The following HSPBAP1 variants were observed in gnomAD, a reference collection of about 807,000 sequenced individuals.
HSPBAP1 encodes the protein HSPB1 associated protein 1, also known as HSPB1-associated protein 1.
Under a neutral mutation model 45.2 loss-of-function variants are expected in HSPBAP1, and 27 were observed. The observed-to-expected ratio is 0.60, with a 90% CI of 0.44 to 0.82. The LOEUF is 0.82. Among genes scored for constraint, HSPBAP1 ranks in the 40% least tolerant of loss-of-function variants. HSPBAP1 has a pLI of 0.00. For synonymous variants in HSPBAP1, 204 were observed against 202.7 expected, an observed-to-expected ratio of 1.01 and a Z score of -0.06; for missense variants, 510 against 590.9, an observed-to-expected ratio of 0.86 and a Z score of 1.42.
At chr3:122,780,152 CCCTCCT>C (rs1935367075) in intron 1 of HSPBAP1, among the ~76,000 whole-genome samples, 1 of 112,546 alleles carries the variant, frequency 8.9e-6, no homozygotes, top group African/African-American at 3.1e-5. Context: ...CCCCCCACCT[CCCTCCT>C]GGACGGGGCG....
intron 6 of HSPBAP1, among the ~76,000 whole-genome samples, chr3:122,743,554 G>A (rs999171716): frequency 3.3e-5 from 5 of 150,638 alleles, no homozygotes; most frequent in Non-Finnish European, 7.4e-5. Flanking sequence ...CAACAAGAGC[G>A]AAACTTTGTC....
chr3:122,742,696 C>A (rs917919814), intron 6 of HSPBAP1, among the ~76,000 whole-genome samples: 2 of 152,084 alleles, frequency 1.3e-5, no homozygotes, highest in African/African-American at 2.4e-5. Context: ...GTGGTCCTTA[C>A]CCAATTAGTT....
At chr3:122,769,821 AGGCATGT>A (rs1488018777) in intron 2 of HSPBAP1, among the ~76,000 whole-genome samples, 19 of 152,336 alleles carry the variant, frequency 1.2e-4, no homozygotes, top group African/African-American at 4.6e-4. Context: ...CTAGGACTAG[AGGCATGT>A]GCCACCACGT....
chr3:122,789,834 C>T (rs1458914931), intron 1 of HSPBAP1, among the ~76,000 whole-genome samples: 8 of 151,864 alleles, frequency 5.3e-5, no homozygotes, highest in Non-Finnish European at 8.8e-5. Flanking sequence ...CCTAATCACC[C>T]GCAACCCTAT....
At chr3:122,758,744 T>A (rs1393426400) in intron 4 of HSPBAP1, 1 of 453,980 alleles carries the variant, frequency 2.2e-6, no homozygotes, top group East Asian at 6.9e-5. Context: ...AAAAGTTTTT[T>A]AAATTAGCTG....
chr3:122,745,508 C>T (rs1933816016), intron 6 of HSPBAP1, among the ~76,000 whole-genome samples: 2 of 152,106 alleles, frequency 1.3e-5, no homozygotes, highest in African/African-American at 2.4e-5. Context: ...CAGAATTAAA[C>T]AATTTATAAG....
At chr3:122,748,660 C>G (rs1229501482) in intron 6 of HSPBAP1, among the ~76,000 whole-genome samples, 3 of 152,196 alleles carry the variant, frequency 2.0e-5, no homozygotes, top group Non-Finnish European at 4.4e-5. Context: ...ATGGCACAAT[C>G]ACAATGAAGC....
intron 7 of HSPBAP1, 40 bp downstream of exon 7, chr3:122,740,963 A>G (rs369082919): frequency 1.3e-5 from 21 of 1,606,354 alleles, no homozygotes; most frequent in African/African-American, 4.0e-5. Flanking sequence ...GGTTTACCAC[A>G]GGAAACTAAC....
intron 5 of HSPBAP1, chr3:122,753,835 T>C: frequency 2.0e-6 from 2 of 984,822 alleles, no homozygotes; most frequent in Non-Finnish European, 2.4e-6. Flanking sequence ...TTGAGTGGAT[T>C]AAAGAATGGA....
At chr3:122,769,098 T>C (rs1317660881) in intron 2 of HSPBAP1, among the ~76,000 whole-genome samples, 1 of 151,998 alleles carries the variant, frequency 6.6e-6, no homozygotes, top group Admixed American at 6.6e-5. Flanking sequence ...TTGAGACCAG[T>C]CTGTGCAACA....
chr3:122,746,122 A>G (rs1933838904), intron 6 of HSPBAP1, among the ~76,000 whole-genome samples: 1 of 152,232 alleles, frequency 6.6e-6, no homozygotes, highest in African/African-American at 2.4e-5. Flanking sequence ...AGGAATAAAC[A>G]TTTAAAAGAA....
intron 6 of HSPBAP1, among the ~76,000 whole-genome samples, chr3:122,747,356 G>A (rs1361088601): frequency 6.6e-6 from 1 of 151,350 alleles, no homozygotes; most frequent in Non-Finnish European, 1.5e-5. Flanking sequence ...CCCCGTCTGA[G>A]AAGTGAGGAG....
At chr3:122,745,687 T>G (rs540056833) in intron 6 of HSPBAP1, among the ~76,000 whole-genome samples, 1 of 152,314 alleles carries the variant, frequency 6.6e-6, no homozygotes, top group African/African-American at 2.4e-5. Context: ...TACTTAATAA[T>G]AGCCCCAAAG....
chr3:122,754,716 T>A (rs1008255009), intron 5 of HSPBAP1: 1 of 985,376 alleles, frequency 1.0e-6, no homozygotes, highest in African/African-American at 1.7e-5. Context: ...AAAGGAAATT[T>A]TCCTCACTGG....
In HSPBAP1 at chr3:122,768,629, G is replaced by A. The variant is rs1299285613; in HGVS notation, c.432+72C>T. 5 of 1,013,890 alleles carry A rather than the reference G, an allele frequency of 4.9e-6. No homozygotes were observed. The Admixed American group carries it at 1.0e-4, about 20-fold the overall frequency. The allele number at this position is 1,013,890 out of a possible 1,614,324, so 62.8% of individuals were successfully genotyped here. A position where few individuals can be genotyped will look rare whatever the true frequency, so the allele number is the denominator to read the frequency against. ...AGAGAAAAAGGCAGAGAAGGTGCCAGGGAGATTCTAATTTGTGTTCTTTTC... is the reference window on the plus strand; with the variant it reads ...AGAGAAAAAGGCAGAGAAGGTGCCAAGGAGATTCTAATTTGTGTTCTTTTC... On this transcript the variant is annotated intron_variant, in intron 3 of 7. Coordinates refer to ENST00000306103, the MANE Select transcript of HSPBAP1 (RefSeq NM_024610.6).
At chr3:122,778,294 A>G (rs768382227) in intron 1 of HSPBAP1, among the ~76,000 whole-genome samples, 29 of 151,168 alleles carry the variant, frequency 1.9e-4, no homozygotes, top group Non-Finnish European at 3.5e-4. Context: ...TAACAATAAA[A>G]AGTATATATA....
chr3:122,760,629 T>C (rs1934542302), intron 3 of HSPBAP1, among the ~76,000 whole-genome samples: 1 of 152,106 alleles, frequency 6.6e-6, no homozygotes. Context: ...GGGGAATTTT[T>C]GCAAGGTCAG....
At chr3:122,782,928 CAA>C (rs1358953109) in intron 1 of HSPBAP1, among the ~76,000 whole-genome samples, 2 of 152,198 alleles carry the variant, frequency 1.3e-5, no homozygotes, top group Non-Finnish European at 2.9e-5. Flanking sequence ...CAGACAAGGA[CAA>C]AAACTTGGAA....
intron 4 of HSPBAP1, among the ~76,000 whole-genome samples, chr3:122,755,897 A>G (rs936558442): frequency 1.3e-5 from 2 of 152,198 alleles, no homozygotes; most frequent in Non-Finnish European, 2.9e-5. Context: ...TGGGTTATAA[A>G]TTCCTTAAGT....
Sources: allele counts gnomAD v4.1 joint callset (sites outside exome capture counted in the v4.1 genomes callset), GRCh38; gene constraint gnomAD v4.1.1; transcripts MANE v1.5; gene names NCBI Gene and HGNC (gene_info 2026-07-23, HGNC 2026-07-21).